The following LARP1 variants were observed in gnomAD, a reference collection of about 807,000 sequenced individuals.
LARP1 encodes La ribonucleoprotein 1, translational regulator.
A neutral mutation model predicts 122.7 loss-of-function variants in LARP1; 36 were observed. That is an observed-to-expected ratio of 0.29 (90% CI 0.22 to 0.39). The LOEUF is 0.39. Ranked by LOEUF, LARP1 falls within the 10% of genes least tolerant of loss-of-function variation. LARP1 has a pLI of 1.00. For synonymous variants in LARP1, 539 were observed against 528.7 expected, an observed-to-expected ratio of 1.02 and a Z score of -0.27; for missense variants, 1,040 against 1,403.6, an observed-to-expected ratio of 0.74 and a Z score of 4.14.
chr5:154,745,988 G>A (rs1292961858), intron 1 of LARP1, among the ~76,000 whole-genome samples: 1 of 152,072 alleles, frequency 6.6e-6, no homozygotes, highest in African/African-American at 2.4e-5. Flanking sequence ...TAGAGACAGG[G>A]TTTCACCATG....
At chr5:154,779,255 C>G (rs749481396) in intron 1 of LARP1, among the ~76,000 whole-genome samples, 1 of 152,144 alleles carries the variant, frequency 6.6e-6, no homozygotes, top group Non-Finnish European at 1.5e-5. Flanking sequence ...TTGCTTGGCT[C>G]TCATTGATGT....
chr5:154,770,624 C>T (rs1421854806), intron 1 of LARP1, among the ~76,000 whole-genome samples: 1 of 152,100 alleles, frequency 6.6e-6, no homozygotes, highest in African/African-American at 2.4e-5. Context: ...GACCCTGAGT[C>T]TGTATGTCAT....
chr5:154,796,512 C>T (rs1319136441), intron 8 of LARP1, among the ~76,000 whole-genome samples: 3 of 151,948 alleles, frequency 2.0e-5, no homozygotes, highest in African/African-American at 7.3e-5. Context: ...ATCTGTACTC[C>T]AAGTTTTTTG....
At chr5:154,753,757 T>A (rs1041707743), upstream of LARP1, among the ~76,000 whole-genome samples, 7 of 152,060 alleles carry the variant, frequency 4.6e-5, no homozygotes, top group African/African-American at 1.7e-4. Context: ...AACCCAAGAG[T>A]TGGAAGTAGA....
chr5:154,754,175 C>CA (rs369912980), upstream of LARP1, among the ~76,000 whole-genome samples: 85 of 152,334 alleles, frequency 5.6e-4, no homozygotes, highest in African/African-American at 1.9e-3. Context: ...CTATTGTCTT[C>CA]ATAGATACTA....
At position 154,769,310 on chromosome 5, in the gene LARP1, G is replaced by A. The variant is rs77162796; in HGVS notation, c.436+13117G>A. Among the ~76,000 whole-genome samples, 1,215 of 152,292 alleles carry A rather than the reference G, an allele frequency of 8.0e-3. 11 individuals carry two copies. Among genetic ancestry groups the A allele is most frequent in the African/African-American group, 0.028 (1,176 of 41,558 alleles). ...GAGTGCCACAGCTTGGCTCTTGTAG[G>A]CCCTTGAGTTTGCCATCTTTTATCC... On this transcript the variant is annotated intron_variant, in intron 1 of 18. Transcript: ENST00000518297.
intron 1 of LARP1, among the ~76,000 whole-genome samples, chr5:154,689,071 C>T (rs1203227410): frequency 1.3e-5 from 2 of 151,866 alleles, no homozygotes; most frequent in Non-Finnish European, 2.9e-5. Context: ...GTAATCCTAG[C>T]GCTTTGGGAG....
intron 4 of LARP1, 81 bp from the exon 5 acceptor site, chr5:154,793,514 C>A: frequency 6.3e-7 from 1 of 1,576,150 alleles, no homozygotes; most frequent in South Asian, 1.1e-5. Context: ...AAGTCCAGGG[C>A]AGAAGAAGAG....
At chr5:154,713,149 C>T (rs774200240) in intron 1 of LARP1, 31 of 1,598,776 alleles carry the variant, frequency 1.9e-5, no homozygotes, top group East Asian at 4.5e-5. Flanking sequence ...TAGCACTCTG[C>T]GTTTCTTGAA....
chr5:154,683,217 G>C (rs1582128227), intron 1 of LARP1, among the ~76,000 whole-genome samples: 1 of 152,260 alleles, frequency 6.6e-6, no homozygotes, highest in Non-Finnish European at 1.5e-5. Flanking sequence ...GAGCCGCTTT[G>C]CAGCATTCTC....
At chr5:154,809,968 A>G (rs559956829) in intron 16 of LARP1, among the ~76,000 whole-genome samples, 45 of 151,982 alleles carry the variant, frequency 3.0e-4, no homozygotes, top group African/African-American at 9.9e-4. Context: ...CAGCCTCCCA[A>G]AGTGCTGGGA....
chr5:154,710,471 C>T (rs1034164701), upstream of LARP1, among the ~76,000 whole-genome samples: 18 of 151,936 alleles, frequency 1.2e-4, no homozygotes, highest in African/African-American at 2.9e-4. Flanking sequence ...AGGCCAGACA[C>T]GGTGGCTCAC....
intron 1 of LARP1, among the ~76,000 whole-genome samples, chr5:154,700,908 G>A (rs965756338): frequency 1.1e-4 from 17 of 151,874 alleles, no homozygotes; most frequent in South Asian, 4.1e-4. Flanking sequence ...AGTGGGAGCC[G>A]AAATCACGCC....
intron 1 of LARP1, among the ~76,000 whole-genome samples, chr5:154,702,886 G>A (rs189269959): frequency 0.012 from 1,849 of 151,928 alleles, 49 homozygotes; most frequent in African/African-American, 0.042. Context: ...TTGGGAGGCC[G>A]AGGTGGGCGG....
chr5:154,806,446 A>G (rs997565124), intron 15 of LARP1, among the ~76,000 whole-genome samples: 3 of 152,172 alleles, frequency 2.0e-5, no homozygotes, highest in Admixed American at 1.3e-4. Context: ...CTGTTTTCGT[A>G]TGGCTTTGGA....
intron 1 of LARP1, among the ~76,000 whole-genome samples, chr5:154,767,555 G>A (rs545360079): frequency 3.9e-5 from 6 of 152,168 alleles, no homozygotes; most frequent in Non-Finnish European, 8.8e-5. Flanking sequence ...ACTCACTGGG[G>A]ACCATAATCT....
intron 1 of LARP1, among the ~76,000 whole-genome samples, chr5:154,701,445 TC>T (rs1250201575): frequency 1.3e-5 from 2 of 151,878 alleles, no homozygotes; most frequent in Non-Finnish European, 2.9e-5. Flanking sequence ...TTGGGAAGCC[TC>T]CCCTCCCCAT....
chr5:154,808,868 C>T (rs556122858), intron 16 of LARP1, among the ~76,000 whole-genome samples: 4 of 152,320 alleles, frequency 2.6e-5, no homozygotes, highest in Admixed American at 2.6e-4. Flanking sequence ...GTATTAGAAT[C>T]TTGTGGGTCC....
chr5:154,808,952 G>A (rs114207507), intron 16 of LARP1, among the ~76,000 whole-genome samples: 2 of 151,966 alleles, frequency 1.3e-5, no homozygotes, highest in African/African-American at 4.8e-5. Context: ...TTTTGTTTAC[G>A]CAAAAGCTGG....
Sources: gnomAD v4.1 joint callset for allele counts (sites outside exome capture counted in the v4.1 genomes callset) on GRCh38, gnomAD v4.1.1 for gene constraint, MANE v1.5 for transcripts, NCBI Gene and HGNC (gene_info 2026-07-23, HGNC 2026-07-21) for gene names.